The following SCAND3 variants were observed in gnomAD, a reference collection of about 807,000 sequenced individuals.
The protein encoded by SCAND3 is SCAN domain-containing protein 3.
chr6:28,597,543 G>A, the SCAND3 span, among the ~76,000 whole-genome samples: 1 of 152,166 alleles, frequency 6.6e-6, no homozygotes, highest in East Asian at 1.9e-4. Flanking sequence ...ACCCAGAATC[G>A]GGTATTTTTA....
the SCAND3 span, among the ~76,000 whole-genome samples, chr6:28,602,956 AT>A: frequency 2.2e-3 from 206 of 94,444 alleles, no homozygotes; most frequent in Middle Eastern, 0.018. Flanking sequence ...CCAAAAAAAA[AT>A]TTTTTTTTTT....
At chr6:28,577,795 A>G in the SCAND3 span, among the ~76,000 whole-genome samples, 1 of 152,094 alleles carries the variant, frequency 6.6e-6, no homozygotes, top group Non-Finnish European at 1.5e-5. Context: ...CTGATCCCAA[A>G]TTTTCAGACA....
chr6:28,593,653 G>A, the SCAND3 span: 1 of 152,164 alleles, frequency 6.6e-6, no homozygotes, highest in East Asian at 1.9e-4. Context: ...CCAGCCTAGG[G>A]GACAAGAACG....
At chr6:28,573,660 C>T in the SCAND3 span, 3 of 1,612,154 alleles carry the variant, frequency 1.9e-6, no homozygotes, top group South Asian at 1.1e-5. Flanking sequence ...CAAAACCAAA[C>T]TCAATATATG....
chr6:28,584,362 G>A, the SCAND3 span, among the ~76,000 whole-genome samples: 1 of 145,912 alleles, frequency 6.9e-6, no homozygotes, highest in Non-Finnish European at 1.5e-5. Context: ...CTCTTGCAAT[G>A]TTTTATTTTT....
At chr6:28,595,330 CAAAAAA>C in the SCAND3 span, among the ~76,000 whole-genome samples, 2 of 37,330 alleles carry the variant, frequency 5.4e-5, no homozygotes, top group Admixed American at 3.8e-4. Flanking sequence ...AACCCAGTCT[CAAAAAA>C]AAAAAAAAAA....
At chr6:28,599,580 T>C in the SCAND3 span, among the ~76,000 whole-genome samples, 1 of 152,186 alleles carries the variant, frequency 6.6e-6, no homozygotes, top group Non-Finnish European at 1.5e-5. Flanking sequence ...TGAGATATGA[T>C]GGTTTTAAAA....
At chr6:28,608,671 T>C in the SCAND3 span, among the ~76,000 whole-genome samples, 2 of 152,232 alleles carry the variant, frequency 1.3e-5, no homozygotes, top group Non-Finnish European at 2.9e-5. Context: ...TGTTTTATTC[T>C]GATAAATTAT....
the SCAND3 span, among the ~76,000 whole-genome samples, chr6:28,598,286 C>G: frequency 2.0e-5 from 3 of 152,206 alleles, no homozygotes; most frequent in Non-Finnish European, 4.4e-5. Context: ...AACCCATCTA[C>G]TCACTAGAGC....
At chr6:28,572,941 AC>A in the SCAND3 span, 65 of 1,613,914 alleles carry the variant, frequency 4.0e-5, no homozygotes, top group Non-Finnish European at 5.3e-5. This position sits in a 1 kb window ranked among gnomAD's most constrained non-coding sequence, Gnocchi z 4.1. Flanking sequence ...CTGGGTTACC[AC>A]TTCAGAATGT....
chr6:28,574,905 A>C, the SCAND3 span: 30 of 1,614,006 alleles, frequency 1.9e-5, no homozygotes, highest in Non-Finnish European at 2.5e-5. Flanking sequence ...CACAGGATAA[A>C]AATCTTAGTC....
At chr6:28,603,642 T>G in the SCAND3 span, among the ~76,000 whole-genome samples, 4 of 152,210 alleles carry the variant, frequency 2.6e-5, no homozygotes, top group African/African-American at 7.2e-5. Context: ...TTACATTTTT[T>G]TTCTCTTCTT....
At chr6:28,595,389 GA>G in the SCAND3 span, among the ~76,000 whole-genome samples, 1 of 140,326 alleles carries the variant, frequency 7.1e-6, no homozygotes, top group Non-Finnish European at 1.6e-5. Context: ...CGAGGAGGAA[GA>G]AGAAAGCAGC....
the SCAND3 span, chr6:28,575,180 G>C: frequency 6.2e-7 from 1 of 1,614,072 alleles, no homozygotes; most frequent in Non-Finnish European, 8.5e-7. The surrounding 1 kb of genome is among the most constrained non-coding windows in gnomAD (Gnocchi z 4.2). Context: ...CTGTGATAGG[G>C]CTGATTTTGG....
At chr6:28,574,079 A>G in the SCAND3 span, among the ~76,000 whole-genome samples, 3 of 152,180 alleles carry the variant, frequency 2.0e-5, no homozygotes, top group Admixed American at 1.3e-4. Context: ...AACTGCCACC[A>G]CATGTGACTC....
the SCAND3 span, chr6:28,572,462 A>C: frequency 6.2e-7 from 1 of 1,612,650 alleles, no homozygotes; most frequent in Non-Finnish European, 8.5e-7. This position sits in a 1 kb window ranked among gnomAD's most constrained non-coding sequence, Gnocchi z 4.1. Context: ...CTGTTTTTCC[A>C]AGCTTCTAAC....
the SCAND3 span, chr6:28,586,486 G>A: frequency 6.2e-6 from 10 of 1,614,210 alleles, no homozygotes; most frequent in Non-Finnish European, 5.9e-6. This position sits in a 1 kb window ranked among gnomAD's most constrained non-coding sequence, Gnocchi z 4.4. Context: ...AGCCACTGAC[G>A]GCAAAGTTCC....
the SCAND3 span, chr6:28,598,101 T>C: frequency 1.6e-4 from 24 of 152,256 alleles, no homozygotes; most frequent in Admixed American, 1.1e-3. Flanking sequence ...CCACCAACAC[T>C]TACAGGGTCG....
At chr6:28,605,680 A>T in the SCAND3 span, among the ~76,000 whole-genome samples, 580 of 129,978 alleles carry the variant, frequency 4.5e-3, 5 homozygotes, top group African/African-American at 0.019. Context: ...AAAAAATACA[A>T]AAAAAAAAAA....
Sources: allele counts gnomAD v4.1 joint callset (sites outside exome capture counted in the v4.1 genomes callset), GRCh38; gene constraint gnomAD v4.1.1; non-coding constraint Gnocchi (gnomAD v3.1); transcripts MANE v1.5; gene names NCBI Gene and HGNC (gene_info 2026-07-23, HGNC 2026-07-21).